The following SLC22A8 variants were observed in gnomAD, a reference collection of about 807,000 sequenced individuals.
The protein encoded by SLC22A8 is organic anion transporter 3.
A neutral mutation model predicts 48.4 loss-of-function variants in SLC22A8; 40 were observed. The ratio of observed to expected loss-of-function variants is 0.83; its 90% CI spans 0.64 to 1.08. SLC22A8 has a LOEUF of 1.08. SLC22A8 is among the 50% of genes least tolerant of loss of function. SLC22A8 has a pLI of 0.00. For missense variants in SLC22A8, 606 were observed against 699.0 expected, an observed-to-expected ratio of 0.87 and a Z score of 1.50; for synonymous variants, 268 against 286.3, an observed-to-expected ratio of 0.94 and a Z score of 0.65.
At position 62,999,714 on chromosome 11, in the gene SLC22A8, C is replaced by G. The variant is rs142865354; in HGVS notation, c.566G>C (p.Gly189Ala). The change falls in exon 4 of 11, where the codon GGC (glycine) becomes GCC (alanine). Residue 189 changes from glycine to alanine, a missense_variant. Physicochemically the swap from Gly to Ala is moderately conservative, Grantham distance 60. Coordinates refer to ENST00000336232, the MANE Select transcript of SLC22A8 (RefSeq NM_004254.4). ...FRFLCGFGIS[G>A]ITLSTVILNV... Reference sequence around the variant, plus strand: ...CAAGATGACGGTGCTCAGGGTAATGCCTGAGATGCCAAAGCCACACAGGAA... The same window carrying G: ...CAAGATGACGGTGCTCAGGGTAATGGCTGAGATGCCAAAGCCACACAGGAA... 6.3e-7 allele frequency: 1 copy of G among 1,598,438 alleles called. No individual in the cohort carries two copies. The highest frequency in any genetic ancestry group is 1.3e-5 in the African/African-American group (1 of 74,354).
chr11:63,012,944 A>T (rs1333271824), intron 2 of SLC22A8, among the ~76,000 whole-genome samples: 1 of 152,118 alleles, frequency 6.6e-6, no homozygotes, highest in Non-Finnish European at 1.5e-5. Flanking sequence ...GAGGAGATAT[A>T]ATCTAGGTAT....
At chr11:63,012,575 T>C (rs2086631550) in intron 2 of SLC22A8, among the ~76,000 whole-genome samples, 1 of 152,206 alleles carries the variant, frequency 6.6e-6, no homozygotes, top group Non-Finnish European at 1.5e-5. Flanking sequence ...CACTCCAGGC[T>C]GGTTAGATAA....
chr11:63,014,801 T>C lies in SLC22A8; in HGVS notation c.158A>G (p.His53Arg). The change falls in exon 2 of 11, where the codon CAC becomes CGC. Residue 53 changes from histidine (H) to arginine (R), a missense_variant. His to Arg is a conservative substitution (Grantham distance 29). Transcript: ENST00000336232. ...CACCCAAGGCCCTGTGGAGGCATTG[T>C]GGGGCGGGCGACAGTGGTGGACAGG... Reference protein sequence around the residue: ...ATPVHHCRPPHNASTGPWVLP... With the variant: ...ATPVHHCRPPRNASTGPWVLP... 1 of 1,612,930 alleles carries C rather than the reference T, an allele frequency of 6.2e-7. No homozygotes were observed. Among genetic ancestry groups the C allele is most frequent in the Admixed American group, 1.7e-5 (1 of 59,970 alleles).
At position 63,014,784 on chromosome 11, in the gene SLC22A8, G is replaced by T; in HGVS notation, c.175C>A (p.Pro59Thr). ...CRPPHNASTG[P>T]WVLPMGPNGK... ...TTTGGGCCCATGGGGAGCACCCAAGGCCCTGTGGAGGCATTGTGGGGCGGG... is the reference window on the plus strand; with the variant it reads ...TTTGGGCCCATGGGGAGCACCCAAGTCCCTGTGGAGGCATTGTGGGGCGGG... Residue 59 changes from proline (P) to threonine (T), a missense_variant, in exon 2 of 11, where the codon CCT becomes ACT. By Grantham distance (38) the Pro-to-Thr change is conservative (BLOSUM62 -1). Coordinates refer to ENST00000336232, the MANE Select transcript of SLC22A8 (RefSeq NM_004254.4). 1 of 1,613,466 alleles carries T rather than the reference G, an allele frequency of 6.2e-7. No homozygotes were observed. Among genetic ancestry groups the T allele is most frequent in the Non-Finnish European group, 8.5e-7 (1 of 1,179,416 alleles).
At chr11:62,999,239 T>A in intron 4 of SLC22A8, 150 bp from the exon 5 acceptor site, 1 of 644,778 alleles carries the variant, frequency 1.6e-6, no homozygotes, top group Non-Finnish European at 2.7e-6. Context: ...TTCCTGCTGT[T>A]CTGATGCTGA....
intron 2 of SLC22A8, among the ~76,000 whole-genome samples, chr11:63,002,080 T>G (rs2086502006): frequency 6.6e-6 from 1 of 152,112 alleles, no homozygotes. Context: ...CTGGCTAATT[T>G]TGGATTTTGT....
chr11:63,015,044 G>A, intron 1 of SLC22A8, 61 bp from the exon 2 acceptor site: 2 of 1,156,824 alleles, frequency 1.7e-6, no homozygotes, highest in Non-Finnish European at 2.4e-6. Flanking sequence ...GTGGGTCTAT[G>A]GAACGATATG....
chr11:62,993,958 C>T lies in SLC22A8; in HGVS notation c.1217-80G>A, dbSNP rs528416247. ...CTCACTCCTTAGCTGATCTTGTCTCCCTTTTTGCTTTGGCTTCCAAGAAGC... is the reference window on the plus strand; with the variant it reads ...CTCACTCCTTAGCTGATCTTGTCTCTCTTTTTGCTTTGGCTTCCAAGAAGC... On this transcript the variant is annotated intron_variant, in intron 8 of 10. Transcript: ENST00000336232. The T allele has an allele frequency of 1.6e-4, 144 of 891,834 alleles. 1 individual carries two copies. Among genetic ancestry groups the T allele is most frequent in the Non-Finnish European group, 2.3e-4 (125 of 532,424 alleles). 55.2% of individuals were successfully genotyped at this position (891,834 alleles called of 1,614,324 possible).
At chr11:63,003,555 T>A (rs1486551503) in intron 2 of SLC22A8, among the ~76,000 whole-genome samples, 1 of 152,146 alleles carries the variant, frequency 6.6e-6, no homozygotes, top group African/African-American at 2.4e-5. Flanking sequence ...TGGTACTTTG[T>A]GGCATGCTGT....
chr11:62,997,255 C>T (rs886327896), intron 5 of SLC22A8, among the ~76,000 whole-genome samples: 1 of 152,142 alleles, frequency 6.6e-6, no homozygotes, highest in Non-Finnish European at 1.5e-5. Flanking sequence ...AATGGAGCCT[C>T]GCACTATCGC....
At chr11:62,999,144 C>T (rs563734999) in intron 4 of SLC22A8, 55 bp from the exon 5 acceptor site, 31 of 1,499,852 alleles carry the variant, frequency 2.1e-5, no homozygotes, top group South Asian at 1.4e-4. Context: ...CAGGCACCTC[C>T]GCGTGAAGGG....
At chr11:62,998,886 CT>C in intron 5 of SLC22A8, 34 bp downstream of exon 5, 1 of 1,572,614 alleles carries the variant, frequency 6.4e-7, no homozygotes, top group Middle Eastern at 1.7e-4. Flanking sequence ...CCTGGGGCAC[CT>C]AAGGAAACAG....
rs1173508867 is a variant in SLC22A8, at chr11:62,999,649, G to A, written c.592+39C>T. On this transcript the variant is annotated intron_variant, in intron 4 of 10. Transcript: ENST00000336232. The stretch of plus-strand genomic sequence containing the variant: ...CATTCTCTTTTGGCTTCTGGATGGT[G>A]CTCCCCAAAGCCCAGCTCCATGCCC... 5 of 1,438,376 alleles carry A rather than the reference G, an allele frequency of 3.5e-6. No homozygotes were observed. The African/African-American group carries it at 7.2e-5, about 21-fold the overall frequency. The allele number at this position is 1,438,376 out of a possible 1,614,324, so 89.1% of individuals were successfully genotyped here.
intron 7 of SLC22A8, chr11:62,995,051 G>C: frequency 2.1e-6 from 1 of 466,486 alleles, no homozygotes; most frequent in Non-Finnish European, 4.0e-6. Flanking sequence ...GGAGACCAAA[G>C]GAGGCAGTAA....
intron 2 of SLC22A8, among the ~76,000 whole-genome samples, chr11:63,003,645 G>A (rs114703905): frequency 1.4e-3 from 213 of 152,318 alleles, no homozygotes; most frequent in African/African-American, 5.0e-3. Context: ...ATAGTAAATA[G>A]CACATTTCCC....
intron 3 of SLC22A8, 95 bp downstream of exon 3, chr11:63,000,625 G>T: frequency 1.2e-6 from 1 of 844,876 alleles, no homozygotes; most frequent in East Asian, 2.6e-5. Context: ...CCCTCCCCCA[G>T]CTCTTTGCCT....
At chr11:62,994,451 AGT>A in intron 8 of SLC22A8, 89 bp downstream of exon 8, 1 of 938,968 alleles carries the variant, frequency 1.1e-6, no homozygotes. Flanking sequence ...AAGGTAACAC[AGT>A]GACTTAGAGG....
chr11:62,994,531 C>T lies in SLC22A8; in HGVS notation c.1216+11G>A, dbSNP rs1448392197. ...CTTCCAGAGGGTTCTGGGGTAGCCCCAGTCTCTCACCCAAGGGCACAAAGG... is the reference window on the plus strand; with the variant it reads ...CTTCCAGAGGGTTCTGGGGTAGCCCTAGTCTCTCACCCAAGGGCACAAAGG... On this transcript the variant is annotated intron_variant, in intron 8 of 10. Transcript: ENST00000336232. 4 of 1,585,094 alleles carry T rather than the reference C, an allele frequency of 2.5e-6. No homozygotes were observed. In the African/African-American group the frequency reaches 5.4e-5, roughly 21 times the overall value.
In SLC22A8 at chr11:62,992,981, A is replaced by C; in HGVS notation, c.*256T>G. On this transcript the variant is annotated 3_prime_UTR_variant, in exon 11 of 11. Transcript: ENST00000336232. ...GGAAGAGGACCGGGACAGTGGGGGA[A>C]GGTGGCCAGTGGGGAAGGGCTAGAC... The C allele has an allele frequency of 1.9e-6, 1 of 518,534 alleles. No individual in the cohort carries two copies. Among genetic ancestry groups the C allele is most frequent in the East Asian group, 3.0e-5 (1 of 33,310 alleles). The allele number at this position is 518,534 out of a possible 1,614,324, so 32.1% of individuals were successfully genotyped here. A position where few individuals can be genotyped will look rare whatever the true frequency, so the allele number is the denominator to read the frequency against.
Sources: allele counts gnomAD v4.1 joint callset (sites outside exome capture counted in the v4.1 genomes callset), GRCh38; gene constraint gnomAD v4.1.1; transcripts MANE v1.5; gene names NCBI Gene and HGNC (gene_info 2026-07-23, HGNC 2026-07-21).